Variants in RNF180 observed in about 807,000 individuals in gnomAD.
RNF180 encodes ring finger protein 180, also known as E3 ubiquitin-protein ligase RNF180.
RNF180 carries 38 observed loss-of-function variants against 59.2 expected under a neutral mutation model. The ratio of observed to expected loss-of-function variants is 0.64; its 90% CI spans 0.50 to 0.84. RNF180 has a LOEUF of 0.84. RNF180 is among the 40% of genes least tolerant of loss of function. The pLI is 0.00. For synonymous variants in RNF180, 262 were observed against 240.3 expected (o/e 1.09, Z -0.84); for missense variants, 705 against 700.9 (o/e 1.01, Z -0.07).
chr5:64,254,209 C>G (rs1487789274), intron 5 of RNF180, among the ~76,000 whole-genome samples: 1 of 152,130 alleles, frequency 6.6e-6, no homozygotes, highest in Non-Finnish European at 1.5e-5. Flanking sequence ...GAAGCTAAAC[C>G]TTTCAAGTCC....
rs113942322 is a variant in RNF180 at position 64,328,103 on chromosome 5, C to T, written c.1454-2178C>T. Among the ~76,000 whole-genome samples the T allele has an allele frequency of 4.7e-4, 71 of 152,234 alleles. 4 individuals carry two copies. The highest frequency in any genetic ancestry group is 1.6e-3 in the African/African-American group (68 of 41,556). Reference sequence around the variant, plus strand: ...CCTTAAGTTGCAAACTGTTCACCTTCGTTTGTATTATCTGCCATGACACAC... The same window carrying T: ...CCTTAAGTTGCAAACTGTTCACCTTTGTTTGTATTATCTGCCATGACACAC... On this transcript the variant is annotated intron_variant, in intron 6 of 7. Transcript: ENST00000389100.
chr5:64,259,295 G>T (rs1306522386), intron 5 of RNF180, among the ~76,000 whole-genome samples: 1 of 152,178 alleles, frequency 6.6e-6, no homozygotes, highest in Non-Finnish European at 1.5e-5. Context: ...GGGCATGTTG[G>T]AAAGGGTTTT....
chr5:64,279,046 C>G (rs1414601467), intron 5 of RNF180, among the ~76,000 whole-genome samples: 1 of 152,118 alleles, frequency 6.6e-6, no homozygotes, highest in African/African-American at 2.4e-5. Context: ...GATATGACTA[C>G]TCAAGGAGAA....
At position 64,371,085 on chromosome 5, in the gene RNF180, C is replaced by T. The variant is rs1746644162; in HGVS notation, c.*1271C>T. On this transcript the variant is annotated 3_prime_UTR_variant, in exon 8 of 8. Transcript: ENST00000389100. ...GCTACTAACTGTATTTCAATAAAAG[C>T]ACTTGACTGTTGGTATGTGATGTTC... The T allele has an allele frequency of 6.6e-6, 1 of 151,566 alleles. No homozygotes were observed. Among genetic ancestry groups the T allele is most frequent in the South Asian group, 2.1e-4 (1 of 4,826 alleles). The allele number at this position is 151,566 out of a possible 1,614,324, so 9.4% of individuals were successfully genotyped here.
intron 5 of RNF180, among the ~76,000 whole-genome samples, chr5:64,322,120 G>A (rs761741053): frequency 1.2e-4 from 18 of 152,108 alleles, no homozygotes; most frequent in Non-Finnish European, 1.8e-4. Flanking sequence ...TTATGAAAAC[G>A]CCAAAAGCAA....
chr5:64,210,832 A>G (rs1043726916), intron 2 of RNF180, among the ~76,000 whole-genome samples: 5 of 152,152 alleles, frequency 3.3e-5, no homozygotes, highest in Non-Finnish European at 7.4e-5. Context: ...CCGTGTAGTA[A>G]CAGATCAATA....
chr5:64,178,735 A>G (rs1430406900), intron 1 of RNF180, among the ~76,000 whole-genome samples: 2 of 152,180 alleles, frequency 1.3e-5, no homozygotes, highest in Non-Finnish European at 2.9e-5. Context: ...TACAGTGCAT[A>G]GGTAGAATAC....
At chr5:64,330,118 C>G (rs1744834819) in intron 6 of RNF180, among the ~76,000 whole-genome samples, 163 bp from the exon 7 acceptor site, 1 of 152,068 alleles carries the variant, frequency 6.6e-6, no homozygotes, top group Admixed American at 6.5e-5. Flanking sequence ...GTTGTATTTG[C>G]TTGAGTAAAG....
At chr5:64,351,150 T>TA (rs1428901671) in intron 7 of RNF180, among the ~76,000 whole-genome samples, 3 of 152,178 alleles carry the variant, frequency 2.0e-5, no homozygotes, top group African/African-American at 4.8e-5. Context: ...GATTCCTAGG[T>TA]ATTTTATTCT....
intron 5 of RNF180, among the ~76,000 whole-genome samples, chr5:64,220,874 A>G (rs1161113407): frequency 1.3e-5 from 2 of 152,086 alleles, no homozygotes; most frequent in African/African-American, 2.4e-5. Flanking sequence ...CAGTAATTCT[A>G]TTACATTATT....
rs1744842533 is a variant in RNF180, at chr5:64,330,290, A to G, written c.1463A>G (p.Asn488Ser). Residue 488 changes from asparagine (N) to serine (S), a missense_variant, in exon 7 of 8, where the codon AAT becomes AGT. By Grantham distance (46) the Asn-to-Ser change is conservative (BLOSUM62 1). Coordinates refer to ENST00000389100, the MANE Select transcript of RNF180 (RefSeq NM_001113561.2). ...TTTTGCTTTATTCTAGAATTGAACA[A>G]TGCCACAAAAACTTTCTTTACTAAA... ...SRVFFQTELN[N>S]ATKTFFTKEY... 2 of 1,475,852 alleles carry G rather than the reference A, an allele frequency of 1.4e-6. No individual in the cohort carries two copies. Among genetic ancestry groups the G allele is most frequent in the South Asian group, 1.3e-5 (1 of 78,242 alleles). 91.4% of individuals were successfully genotyped at this position (1,475,852 alleles called of 1,614,324 possible).
intron 5 of RNF180, among the ~76,000 whole-genome samples, chr5:64,317,563 C>CATATATATACATACATATAT (rs1554042828): frequency 3.4e-5 from 5 of 147,584 alleles, no homozygotes; most frequent in African/African-American, 7.5e-5. Context: ...CATATATACA[C>CATATATATACATACATATAT]ATACATATAT....
Position 64,369,794 on chromosome 5 carries a change from T to A in RNF180, c.1759T>A (p.Tyr587Asn), listed in dbSNP as rs766897561. ...ATTCATTGTTTTCTGCTTTCTTTGC[T>A]ATTTTTTCTTTCCGTTTTAGGAATT... Reference protein sequence around the residue: ...IGFIVFCFLCYFFFPF With the variant: ...IGFIVFCFLCNFFFPF Residue 587 changes from tyrosine to asparagine, a missense_variant, in exon 8 of 8, where the codon TAT becomes AAT. Coordinates refer to ENST00000389100, the MANE Select transcript of RNF180 (RefSeq NM_001113561.2). The A allele has an allele frequency of 7.9e-6, 12 of 1,516,114 alleles. 1 individual carries two copies. The South Asian group carries it at 1.4e-4, about 18-fold the overall frequency. The allele number at this position is 1,516,114 out of a possible 1,614,324, so 93.9% of individuals were successfully genotyped here.
chr5:64,292,985 T>C (rs1742684832), intron 5 of RNF180, among the ~76,000 whole-genome samples: 1 of 152,234 alleles, frequency 6.6e-6, no homozygotes, highest in African/African-American at 2.4e-5. Flanking sequence ...GCCAGCAGGC[T>C]GGAACAGCAG....
At chr5:64,359,917 C>G (rs900754446) in intron 7 of RNF180, among the ~76,000 whole-genome samples, 3 of 151,828 alleles carry the variant, frequency 2.0e-5, no homozygotes, top group South Asian at 2.1e-4. Context: ...TCTTGTTTTT[C>G]TCAGGTTTGT....
chr5:64,349,567 T>C (rs528259969), intron 7 of RNF180, among the ~76,000 whole-genome samples: 4 of 152,166 alleles, frequency 2.6e-5, no homozygotes, highest in Middle Eastern at 3.4e-3. Flanking sequence ...TCTCCTAATA[T>C]GCTATCTCTC....
At chr5:64,203,108 C>G (rs549699889) in intron 2 of RNF180, among the ~76,000 whole-genome samples, 1 of 152,160 alleles carries the variant, frequency 6.6e-6, no homozygotes, top group Non-Finnish European at 1.5e-5. Flanking sequence ...AATTCTAGCA[C>G]TGCTGTAGGA....
chr5:64,333,264 G>A (rs1047743156), intron 7 of RNF180, among the ~76,000 whole-genome samples: 2 of 152,100 alleles, frequency 1.3e-5, no homozygotes, highest in Non-Finnish European at 2.9e-5. Context: ...TACAACCTCT[G>A]CCTCCTGGGT....
At chr5:64,272,135 T>A (rs1354212681) in intron 5 of RNF180, among the ~76,000 whole-genome samples, 1 of 152,076 alleles carries the variant, frequency 6.6e-6, no homozygotes, top group African/African-American at 2.4e-5. Context: ...GTGGCACACA[T>A]TAATCAAGCC....
Sources: gnomAD v4.1 joint callset for allele counts (sites outside exome capture counted in the v4.1 genomes callset) on GRCh38, gnomAD v4.1.1 for gene constraint, MANE v1.5 for transcripts, NCBI Gene and HGNC (gene_info 2026-07-23, HGNC 2026-07-21) for gene names.